MDFI: variants seen among roughly 807,000 people sequenced by gnomAD.
MDFI encodes inhibitor of MyoD family a.
Under a neutral mutation model 22.3 loss-of-function variants are expected in MDFI, and 16 were observed. The observed-to-expected ratio is 0.72, with a 90% CI of 0.49 to 1.09. MDFI has a LOEUF of 1.09. MDFI is among the 50% of genes least tolerant of loss of function. The probability of loss-of-function intolerance (pLI) is 0.00; values close to 1 mark genes in which losing one functional copy is unlikely to be tolerated. For synonymous variants in MDFI, 145 were observed against 142.7 expected (o/e 1.02, Z -0.12); for missense variants, 314 against 326.1 (o/e 0.96, Z 0.29).
chr6:41,639,283 C>G, intron 2 of MDFI: 4 of 985,376 alleles, frequency 4.1e-6, no homozygotes, highest in Non-Finnish European at 3.6e-6. Context: ...TTGTCTGCCG[C>G]GAGCGGCTGC....
chr6:41,653,526 A>G lies in MDFI; in HGVS notation c.692A>G (p.Asp231Gly). 2 of 1,601,640 alleles carry G rather than the reference A, an allele frequency of 1.2e-6. No individual in the cohort carries two copies. The highest frequency in any genetic ancestry group is 1.7e-6 in the Non-Finnish European group (2 of 1,179,942). The change falls in exon 5 of 5, where the codon GAC becomes GGC. Residue 231 changes from aspartate (D) to glycine (G), a missense_variant. By Grantham distance (94) the Asp-to-Gly change is moderately conservative. Transcript: ENST00000230321. The surrounding 1 kb of genome is among the most constrained non-coding windows in gnomAD (Gnocchi z 4.2). Reference sequence around the variant, plus strand: ...CTGGATGCCTGCTGCGAGTCCGCGGACTGCCTGGAGATCTGCATGGAGTGC... The same window carrying G: ...CTGGATGCCTGCTGCGAGTCCGCGGGCTGCCTGGAGATCTGCATGGAGTGC... ...GILDACCESA[D>G]CLEICMECCG...
At chr6:41,639,396 CACCCCA>C in intron 2 of MDFI, 1 of 985,442 alleles carries the variant, frequency 1.0e-6, no homozygotes, top group Non-Finnish European at 1.2e-6. Context: ...CACACACACG[CACCCCA>C]ACCCAGTGTC....
In MDFI at chr6:41,638,652, A is replaced by G; in HGVS notation, c.-12A>G. On this transcript the variant is annotated splice_region_variant and 5_prime_UTR_variant, in exon 1 of 5. Coordinates refer to ENST00000230321, the MANE Select transcript of MDFI (RefSeq NM_005586.4). This position sits in a 1 kb window ranked among gnomAD's most constrained non-coding sequence, Gnocchi z 7.6. ...AAGAGAGCGTAGCACGGCTCGCACGAGTGAGTGGACGTGGGAGGCGCGCAT... is the reference window on the plus strand; with the variant it reads ...AAGAGAGCGTAGCACGGCTCGCACGGGTGAGTGGACGTGGGAGGCGCGCAT... 2.2e-6 allele frequency: 3 copies of G among 1,334,342 alleles called. No individual in the cohort carries two copies. The highest frequency in any genetic ancestry group is 1.5e-5 in the African/African-American group (1 of 68,434). The allele number at this position is 1,334,342 out of a possible 1,614,324, so 82.7% of individuals were successfully genotyped here. A position where few individuals can be genotyped will look rare whatever the true frequency, so the allele number is the denominator to read the frequency against.
rs2235839 is a variant in MDFI at position 41,653,210 on chromosome 6, C to T, written c.485-109C>T. The T allele has an allele frequency of 3.9e-4, 443 of 1,135,802 alleles. 5 individuals are homozygous for T. In the South Asian group the frequency reaches 5.3e-3, roughly 14 times the overall value. The allele number at this position is 1,135,802 out of a possible 1,614,324, so 70.4% of individuals were successfully genotyped here. On this transcript the variant is annotated intron_variant, in intron 4 of 4. Coordinates refer to ENST00000230321, the MANE Select transcript of MDFI (RefSeq NM_005586.4). This position sits in a 1 kb window ranked among gnomAD's most constrained non-coding sequence, Gnocchi z 4.2. ...GAGCTTCAGGCACACAGTGAACACT[C>T]AGCGTCCCTGCTGCTGCCGCTGCCG...
Position 41,639,186 on chromosome 6 carries a change from C to T in MDFI, c.76+361C>T, listed in dbSNP as rs983967753. The T allele has an allele frequency of 4.2e-6, 4 of 953,758 alleles. No homozygotes were observed. In the South Asian group the frequency reaches 1.9e-4, roughly 46 times the overall value. The allele number at this position is 953,758 out of a possible 1,614,324, so 59.1% of individuals were successfully genotyped here. ...CCCAGTGTGTAAATATTTGTGGGGG[C>T]CTGGTGTGGGGGAGGGGGCGTTGTC... is the stretch of plus-strand genomic sequence containing the variant. On this transcript the variant is annotated intron_variant, in intron 2 of 4. Transcript: ENST00000230321.
chr6:41,642,814 T>A (rs1767898780), intron 2 of MDFI, among the ~76,000 whole-genome samples: 1 of 152,152 alleles, frequency 6.6e-6, no homozygotes, highest in Non-Finnish European at 1.5e-5. Flanking sequence ...CGGGCCTTGG[T>A]CTGCACTCTG....
At chr6:41,652,608 C>CTTTTTTTTTTT (rs3050047) in intron 4 of MDFI, among the ~76,000 whole-genome samples, 2 of 84,408 alleles carry the variant, frequency 2.4e-5, no homozygotes, top group East Asian at 4.1e-4. Flanking sequence ...CTCTCCCTCT[C>CTTTTTTTTTTT]TTTTTTTTTT....
rs1482477125 is a variant in MDFI at position 41,638,905 on chromosome 6, T to C, written c.76+80T>C. The C allele has an allele frequency of 2.3e-5, 33 of 1,404,552 alleles. 1 individual carries two copies. Among genetic ancestry groups the C allele is most frequent in the Admixed American group, 1.4e-4 (6 of 44,426 alleles). The allele number at this position is 1,404,552 out of a possible 1,614,324, so 87.0% of individuals were successfully genotyped here. On this transcript the variant is annotated intron_variant, in intron 2 of 4. Coordinates refer to ENST00000230321, the MANE Select transcript of MDFI (RefSeq NM_005586.4). The surrounding 1 kb of genome is among the most constrained non-coding windows in gnomAD (Gnocchi z 7.6). ...GGCCAGTTATTAGTTCTCCTCTCCGTCCCCAGACGCGGGGAGACCGTTCCA... is the reference window on the plus strand; with the variant it reads ...GGCCAGTTATTAGTTCTCCTCTCCGCCCCCAGACGCGGGGAGACCGTTCCA...
At chr6:41,642,691 C>T (rs568954829) in intron 2 of MDFI, among the ~76,000 whole-genome samples, 1 of 152,318 alleles carries the variant, frequency 6.6e-6, no homozygotes, top group East Asian at 1.9e-4. Context: ...TCCAGAGGTT[C>T]TCTGTCCCTC....
At chr6:41,646,490 C>T (rs371526072) in intron 3 of MDFI, among the ~76,000 whole-genome samples, 182 bp downstream of exon 3, 3 of 152,164 alleles carry the variant, frequency 2.0e-5, no homozygotes, top group South Asian at 2.1e-4. Flanking sequence ...AAGACCTCCA[C>T]TGCAAAGTGA....
chr6:41,649,776 G>C lies in MDFI; in HGVS notation c.417G>C (p.Gln139His). The change falls in exon 4 of 5, where the codon CAG becomes CAC. Residue 139 changes from glutamine (Q) to histidine (H), a missense_variant. Gln to His is a conservative substitution (Grantham distance 24). Transcript: ENST00000230321. ...KLQTHPSLAS[Q>H]GSKKSKSSSK... is the part of the protein sequence containing the mutation. ...AGACACACCCATCTCTCGCCAGCCAGGGCAGCAAGAAGAGTAAGAGCAGCA... is the reference window on the plus strand; with the variant it reads ...AGACACACCCATCTCTCGCCAGCCACGGCAGCAAGAAGAGTAAGAGCAGCA... The C allele has an allele frequency of 6.2e-7, 1 of 1,614,100 alleles. No individual in the cohort carries two copies. Among genetic ancestry groups the C allele is most frequent in the Non-Finnish European group, 8.5e-7 (1 of 1,180,010 alleles).
chr6:41,646,547 A>G (rs1768058803), intron 3 of MDFI, among the ~76,000 whole-genome samples: 1 of 152,164 alleles, frequency 6.6e-6, no homozygotes, highest in Admixed American at 6.5e-5. Context: ...ATGGCTCAGG[A>G]CAGAGAGCAT....
chr6:41,645,666 G>A (rs1768021788), intron 2 of MDFI, among the ~76,000 whole-genome samples: 1 of 152,070 alleles, frequency 6.6e-6, no homozygotes, highest in South Asian at 2.1e-4. Context: ...GTCTGTCACT[G>A]GGTCACTGTG....
chr6:41,646,152 C>A lies in MDFI; in HGVS notation c.103C>A (p.Leu35Met), dbSNP rs369747409. The part of the protein sequence containing the change: ...PAQTLSLLPG[L>M]EVVTGSTHPA... ...CCAGACCCTATCCCTCCTTCCTGGG[C>A]TGGAGGTAGTAACAGGATCCACTCA... is the stretch of plus-strand genomic sequence containing the variant. The change falls in exon 3 of 5, where the codon CTG becomes ATG. Residue 35 changes from leucine (L) to methionine (M), a missense_variant. Coordinates refer to ENST00000230321, the MANE Select transcript of MDFI (RefSeq NM_005586.4). The A allele has an allele frequency of 3.2e-6, 5 of 1,556,600 alleles. No homozygotes were observed. The highest frequency in any genetic ancestry group is 3.5e-6 in the Non-Finnish European group (4 of 1,153,530).
chr6:41,638,619 C>A lies in MDFI; in HGVS notation c.-45C>A. 1 of 1,105,036 alleles carries A rather than the reference C, an allele frequency of 9.0e-7. No homozygotes were observed. The highest frequency in any genetic ancestry group is 1.2e-6 in the Non-Finnish European group (1 of 801,954). 68.5% of individuals were successfully genotyped at this position (1,105,036 alleles called of 1,614,324 possible). On this transcript the variant is annotated 5_prime_UTR_variant, in exon 1 of 5. Transcript: ENST00000230321. This position sits in a 1 kb window ranked among gnomAD's most constrained non-coding sequence, Gnocchi z 7.6. ...CGCATGGCGGGCCCCGCGCGGGGAT[C>A]CGGCTGGAAGAGAGCGTAGCACGGC... is the stretch of plus-strand genomic sequence containing the variant.
intron 2 of MDFI, among the ~76,000 whole-genome samples, chr6:41,640,182 G>A (rs1767799200): frequency 2.0e-5 from 3 of 152,270 alleles, no homozygotes; most frequent in South Asian, 2.1e-4. Flanking sequence ...CTGTGTCTGG[G>A]AACCTTCCCT....
rs11964439 is a variant in MDFI, at chr6:41,641,093, G to A, written c.76+2268G>A. Among the ~76,000 whole-genome samples the A allele has an allele frequency of 9.5e-4, 145 of 152,234 alleles. 1 individual carries two copies. Among genetic ancestry groups the A allele is most frequent in the African/African-American group, 3.4e-3 (140 of 41,544 alleles). ...GGAGTCCACCCTCTCTGACTTTCTT[G>A]GGGTTCAGGTCCAGGTGCCACCCCT... On this transcript the variant is annotated intron_variant, in intron 2 of 4. Coordinates refer to ENST00000230321, the MANE Select transcript of MDFI (RefSeq NM_005586.4).
In MDFI at chr6:41,638,631, G is replaced by C. The variant is rs1246282236; in HGVS notation, c.-33G>C. On this transcript the variant is annotated 5_prime_UTR_variant, in exon 1 of 5. Transcript: ENST00000230321. This position sits in a 1 kb window ranked among gnomAD's most constrained non-coding sequence, Gnocchi z 7.6. ...CCCGCGCGGGGATCCGGCTGGAAGA[G>C]AGCGTAGCACGGCTCGCACGAGTGA... The C allele has an allele frequency of 4.1e-6, 5 of 1,217,662 alleles. No homozygotes were observed. The South Asian group carries it at 4.3e-5, about 11-fold the overall frequency. The allele number at this position is 1,217,662 out of a possible 1,614,324, so 75.4% of individuals were successfully genotyped here.
At chr6:41,651,135 C>T (rs1304571895) in intron 4 of MDFI, among the ~76,000 whole-genome samples, 3 of 149,850 alleles carry the variant, frequency 2.0e-5, no homozygotes, top group African/African-American at 5.0e-5. Context: ...AGATCGTGCC[C>T]GAGATTGCAC....
Sources: allele counts gnomAD v4.1 joint callset (sites outside exome capture counted in the v4.1 genomes callset), GRCh38; gene constraint gnomAD v4.1.1; non-coding constraint Gnocchi (gnomAD v3.1); transcripts MANE v1.5; gene names NCBI Gene and HGNC (gene_info 2026-07-23, HGNC 2026-07-21).